The following ARHGAP44 variants were observed in gnomAD, a reference collection of about 807,000 sequenced individuals.
ARHGAP44 encodes the protein rho GTPase-activating protein 44.
Under a neutral mutation model 106.8 loss-of-function variants are expected in ARHGAP44, and 43 were observed. That is an observed-to-expected ratio of 0.40 (90% CI 0.32 to 0.52). ARHGAP44 has a LOEUF of 0.52. Among genes scored for constraint, ARHGAP44 ranks in the 20% least tolerant of loss-of-function variants. The probability of loss-of-function intolerance (pLI) is 0.48; values close to 1 mark genes in which losing one functional copy is unlikely to be tolerated. For synonymous variants in ARHGAP44, 439 were observed against 410.3 expected (o/e 1.07, Z -0.85); for missense variants, 866 against 1,050.5 (o/e 0.82, Z 2.43).
intron 7 of ARHGAP44, among the ~76,000 whole-genome samples, chr17:12,938,592 A>AAAC (rs2038617325): frequency 6.6e-6 from 1 of 151,452 alleles, no homozygotes; most frequent in Non-Finnish European, 1.5e-5. Flanking sequence ...TAAAAAAAAA[A>AAAC]AAAAAAAAAA....
chr17:12,949,504 A>G lies in ARHGAP44; in HGVS notation c.974-145A>G, dbSNP rs2038942191. 6.4e-6 allele frequency: 5 copies of G among 781,672 alleles called. No individual in the cohort carries two copies. Among genetic ancestry groups the G allele is most frequent in the Non-Finnish European group, 6.1e-6 (3 of 487,840 alleles). 48.4% of individuals were successfully genotyped at this position (781,672 alleles called of 1,614,324 possible). On this transcript the variant is annotated intron_variant, in intron 11 of 20. Transcript: ENST00000379672. This position sits in a 1 kb window ranked among gnomAD's most constrained non-coding sequence, Gnocchi z 4.1. ...GGTCCCCTGTCAGAGCCTCATACCC[A>G]TTTCCATAGGAAGCTACCATTTGCT...
chr17:12,790,276 C>G, intron 1 of ARHGAP44: 1 of 208,020 alleles, frequency 4.8e-6, no homozygotes, highest in Non-Finnish European at 9.6e-6. Flanking sequence ...CGCAGTCGGT[C>G]TCCGGAGATC....
chr17:12,940,930 T>C (rs2038689757), intron 7 of ARHGAP44, 126 bp from the exon 8 acceptor site: 2 of 703,852 alleles, frequency 2.8e-6, no homozygotes, highest in Middle Eastern at 3.4e-4. Context: ...GTTTGTATCA[T>C]ATCAAGTATT....
At chr17:12,798,014 G>A (rs1485212537) in intron 1 of ARHGAP44, among the ~76,000 whole-genome samples, 2 of 152,110 alleles carry the variant, frequency 1.3e-5, no homozygotes, top group African/African-American at 4.8e-5. Context: ...TTGCTGGAAT[G>A]TAGCGAAGTT....
chr17:12,805,246 G>A (rs1361295230), intron 1 of ARHGAP44, among the ~76,000 whole-genome samples: 3 of 152,246 alleles, frequency 2.0e-5, no homozygotes, highest in Admixed American at 2.0e-4. Flanking sequence ...GTTGCTGTTG[G>A]TTCTGTTTTC....
intron 1 of ARHGAP44, among the ~76,000 whole-genome samples, chr17:12,876,347 G>T (rs1402630472): frequency 6.6e-6 from 1 of 152,134 alleles, no homozygotes; most frequent in Non-Finnish European, 1.5e-5. Context: ...TCTGCCTCTT[G>T]ACCAGCCCTG....
At chr17:12,851,624 C>T (rs1030922783) in intron 1 of ARHGAP44, among the ~76,000 whole-genome samples, 6 of 150,230 alleles carry the variant, frequency 4.0e-5, no homozygotes, top group South Asian at 2.1e-4. Flanking sequence ...AGTAGAGAAA[C>T]GGTTTCACCA....
intron 1 of ARHGAP44, among the ~76,000 whole-genome samples, chr17:12,884,311 C>T (rs1345175403): frequency 1.3e-5 from 2 of 152,114 alleles, no homozygotes; most frequent in Non-Finnish European, 2.9e-5. Flanking sequence ...CTTTATGCAG[C>T]ACCATTTTTT....
chr17:12,948,588 T>G (rs2038912670), intron 10 of ARHGAP44, among the ~76,000 whole-genome samples: 1 of 152,118 alleles, frequency 6.6e-6, no homozygotes, highest in Non-Finnish European at 1.5e-5. Flanking sequence ...GAGAATTGCT[T>G]GAACCCGGGA....
rs1946324429 is a variant in ARHGAP44, at chr17:12,974,010, T to G, written c.1542-79T>G. 4.2e-6 allele frequency: 6 copies of G among 1,425,392 alleles called. No individual in the cohort carries two copies. The South Asian group carries it at 7.4e-5, about 18-fold the overall frequency. The allele number at this position is 1,425,392 out of a possible 1,614,324, so 88.3% of individuals were successfully genotyped here. ...CGCTGCTCTTCTCCCAACGCGGACC[T>G]GCTTGAATGTGGGGGAGGGAGCCTG... On this transcript the variant is annotated intron_variant, in intron 17 of 20. Transcript: ENST00000379672.
chr17:12,816,452 C>T (rs2034599994), intron 1 of ARHGAP44, among the ~76,000 whole-genome samples: 1 of 151,458 alleles, frequency 6.6e-6, no homozygotes, highest in African/African-American at 2.4e-5. Flanking sequence ...AGTCATAAAT[C>T]TTAAATATGA....
chr17:12,841,715 A>C (rs950621376), intron 1 of ARHGAP44, among the ~76,000 whole-genome samples: 10 of 151,584 alleles, frequency 6.6e-5, no homozygotes, highest in Admixed American at 6.6e-4. Flanking sequence ...TACTTTCTCC[A>C]CTTGTGACCC....
At chr17:12,976,331 G>A (rs1245296274) in intron 18 of ARHGAP44, among the ~76,000 whole-genome samples, 1 of 151,822 alleles carries the variant, frequency 6.6e-6, no homozygotes, top group East Asian at 1.9e-4. Context: ...GTATTTTCAC[G>A]GCCGGGCACG....
chr17:12,871,606 G>A (rs548395597), intron 1 of ARHGAP44, among the ~76,000 whole-genome samples: 1 of 151,850 alleles, frequency 6.6e-6, no homozygotes, highest in East Asian at 1.9e-4. Context: ...CAACAAGGGG[G>A]AAATCCACTC....
chr17:12,853,466 T>C (rs955459200), intron 1 of ARHGAP44, among the ~76,000 whole-genome samples: 8 of 151,856 alleles, frequency 5.3e-5, no homozygotes, highest in African/African-American at 1.9e-4. Context: ...AAACAAAAAA[T>C]AGAATGAATG....
chr17:12,893,572 T>C (rs1350676915), intron 1 of ARHGAP44, among the ~76,000 whole-genome samples: 1 of 152,164 alleles, frequency 6.6e-6, no homozygotes, highest in African/African-American at 2.4e-5. Flanking sequence ...ATGTTCTCTT[T>C]ATGTTTCTCA....
intron 1 of ARHGAP44, among the ~76,000 whole-genome samples, chr17:12,837,736 T>G (rs1478582029): frequency 7.2e-5 from 11 of 152,022 alleles, no homozygotes; most frequent in Non-Finnish European, 1.3e-4. Context: ...GGAGGTATCA[T>G]GGGGATGTAT....
intron 1 of ARHGAP44, among the ~76,000 whole-genome samples, chr17:12,824,554 C>G (rs1250844150): frequency 6.6e-6 from 1 of 152,006 alleles, no homozygotes; most frequent in East Asian, 1.9e-4. Context: ...GAAACCTCGA[C>G]CCTACTTTCT....
At chr17:12,960,433 G>A (rs1441169678) in intron 16 of ARHGAP44, among the ~76,000 whole-genome samples, 1 of 152,028 alleles carries the variant, frequency 6.6e-6, no homozygotes, top group Admixed American at 6.5e-5. Flanking sequence ...GGGAGTGGTG[G>A]CACGCACTTG....
Sources: gnomAD v4.1 joint callset for allele counts (sites outside exome capture counted in the v4.1 genomes callset) on GRCh38, gnomAD v4.1.1 for gene constraint, Gnocchi (gnomAD v3.1) non-coding constraint, MANE v1.5 for transcripts, NCBI Gene and HGNC (gene_info 2026-07-23, HGNC 2026-07-21) for gene names.